Variants in GFRA1 observed in about 807,000 individuals in gnomAD.
GFRA1 encodes the protein GDNF family receptor alpha-1.
GFRA1 carries 16 observed loss-of-function variants against 51.6 expected under a neutral mutation model. The ratio of observed to expected loss-of-function variants is 0.31; its 90% CI spans 0.21 to 0.47. The LOEUF (loss-of-function observed/expected upper bound fraction) is 0.47, where lower values mean the gene tolerates loss of function less well. Ranked by LOEUF, GFRA1 falls within the 20% of genes least tolerant of loss-of-function variation. GFRA1 has a pLI of 1.00. For missense variants in GFRA1, 530 were observed against 594.3 expected (o/e 0.89, Z 1.13); for synonymous variants, 270 against 241.3 (o/e 1.12, Z -1.10).
intron 5 of GFRA1, among the ~76,000 whole-genome samples, chr10:116,202,529 C>G (rs1331200902): frequency 1.3e-5 from 2 of 152,132 alleles, no homozygotes; most frequent in Non-Finnish European, 2.9e-5. Flanking sequence ...CTAACCGAGA[C>G]TGGGTAATTC....
chr10:116,135,562 G>T (rs913596795), intron 5 of GFRA1, among the ~76,000 whole-genome samples: 1 of 152,124 alleles, frequency 6.6e-6, no homozygotes, highest in African/African-American at 2.4e-5. Context: ...CCATTAAAAA[G>T]ATATTTGCAA....
intron 5 of GFRA1, among the ~76,000 whole-genome samples, chr10:116,198,564 C>T (rs1239090724): frequency 6.6e-6 from 1 of 152,160 alleles, no homozygotes; most frequent in Non-Finnish European, 1.5e-5. Context: ...GATAGAGAGG[C>T]CCAGGTTGAG....
At chr10:116,211,739 G>A in intron 4 of GFRA1, 94 bp from the exon 5 acceptor site, 1 of 997,890 alleles carries the variant, frequency 1.0e-6, no homozygotes, top group Non-Finnish European at 1.5e-6. Flanking sequence ...GTATGATGAT[G>A]ACATATGCTG....
chr10:116,269,650 G>A, intron 3 of GFRA1, 64 bp from the exon 4 acceptor site: 1 of 949,714 alleles, frequency 1.1e-6, no homozygotes, highest in East Asian at 2.4e-5. Flanking sequence ...GGTTTTTGCT[G>A]CTGAATCTGA....
At chr10:116,219,542 A>G (rs574163499) in intron 4 of GFRA1, among the ~76,000 whole-genome samples, 1 of 152,312 alleles carries the variant, frequency 6.6e-6, no homozygotes, top group East Asian at 1.9e-4. Context: ...TTTCCTTTGA[A>G]AAGAGCCGCA....
intron 5 of GFRA1, among the ~76,000 whole-genome samples, chr10:116,199,438 CATTTT>C (rs1964156306): frequency 6.6e-6 from 1 of 152,154 alleles, no homozygotes; most frequent in Non-Finnish European, 1.5e-5. Context: ...TTTTCCTCAA[CATTTT>C]ATTATAAAGT....
intron 9 of GFRA1, among the ~76,000 whole-genome samples, chr10:116,089,043 T>TAAAG (rs1956222131): frequency 6.7e-6 from 1 of 149,092 alleles, no homozygotes; most frequent in South Asian, 2.2e-4. Flanking sequence ...AAAAGCAGGA[T>TAAAG]AAAGACTCTG....
At chr10:116,228,132 T>A (rs1241841808) in intron 4 of GFRA1, among the ~76,000 whole-genome samples, 1 of 152,174 alleles carries the variant, frequency 6.6e-6, no homozygotes, top group Non-Finnish European at 1.5e-5. Context: ...GCTTGGGTAA[T>A]CAAAGCCCTC....
intron 4 of GFRA1, among the ~76,000 whole-genome samples, chr10:116,242,581 A>C (rs189401458): frequency 8.4e-4 from 128 of 151,930 alleles, no homozygotes; most frequent in African/African-American, 2.9e-3. Flanking sequence ...TCCCGGGTTC[A>C]AGCAATTCTT....
At chr10:116,211,704 A>G (rs1965208563) in intron 4 of GFRA1, 59 bp from the exon 5 acceptor site, 3 of 1,319,100 alleles carry the variant, frequency 2.3e-6, no homozygotes, top group Admixed American at 2.0e-5. Context: ...GAGAAAAAAT[A>G]TTAATAATAA....
chr10:116,140,012 C>A (rs1958495636), intron 5 of GFRA1, among the ~76,000 whole-genome samples: 1 of 152,218 alleles, frequency 6.6e-6, no homozygotes, highest in Admixed American at 6.5e-5. Flanking sequence ...CTGAGAATTT[C>A]TCCTGGTGTG....
chr10:116,273,602 A>C (rs1844107449), upstream of GFRA1: 1 of 152,460 alleles, frequency 6.6e-6, no homozygotes, highest in Non-Finnish European at 1.5e-5. Flanking sequence ...CGCACAGGAC[A>C]CGCAGTGTTC....
intron 9 of GFRA1, among the ~76,000 whole-genome samples, chr10:116,081,728 T>TGTCA (rs1333473886): frequency 2.0e-5 from 3 of 152,238 alleles, no homozygotes; most frequent in Non-Finnish European, 4.4e-5. Context: ...TTCTGGGATC[T>TGTCA]GTCATAGAAT....
chr10:116,231,417 C>T (rs1279667715), intron 4 of GFRA1, among the ~76,000 whole-genome samples: 1 of 152,114 alleles, frequency 6.6e-6, no homozygotes, highest in African/African-American at 2.4e-5. Context: ...AATTAAAAGT[C>T]ATAAATTTAT....
At chr10:116,234,933 G>C (rs185088413) in intron 4 of GFRA1, among the ~76,000 whole-genome samples, 1 of 152,130 alleles carries the variant, frequency 6.6e-6, no homozygotes, top group African/African-American at 2.4e-5. Context: ...TTTATAAGAG[G>C]CTTTTTCCCC....
chr10:116,172,996 C>CGGA (rs1432151885), intron 5 of GFRA1, among the ~76,000 whole-genome samples: 2 of 152,136 alleles, frequency 1.3e-5, no homozygotes, highest in African/African-American at 4.8e-5. Flanking sequence ...GGGCTTCGAG[C>CGGA]GGAGGTCTGC....
intron 5 of GFRA1, among the ~76,000 whole-genome samples, chr10:116,162,987 T>G (rs1156808750): frequency 6.6e-6 from 1 of 152,174 alleles, no homozygotes; most frequent in Non-Finnish European, 1.5e-5. Context: ...AACAGTCACA[T>G]GTGCTCCTGA....
intron 6 of GFRA1, among the ~76,000 whole-genome samples, chr10:116,120,986 G>A (rs1437357209): frequency 6.6e-6 from 1 of 152,176 alleles, no homozygotes; most frequent in Non-Finnish European, 1.5e-5. Flanking sequence ...AGCAGAAGGC[G>A]TTTTGGAGTC....
chr10:116,255,513 A>C, intron 4 of GFRA1: 2 of 1,032,828 alleles, frequency 1.9e-6, no homozygotes, highest in Non-Finnish European at 2.5e-6. Context: ...AAAACAAAAA[A>C]AAAAACACTA....
Sources: gnomAD v4.1 joint callset for allele counts (sites outside exome capture counted in the v4.1 genomes callset) on GRCh38, gnomAD v4.1.1 for gene constraint, MANE v1.5 for transcripts, NCBI Gene and HGNC (gene_info 2026-07-23, HGNC 2026-07-21) for gene names.